Variants in ARK2C observed in about 807,000 individuals in gnomAD.
ARK2C encodes E3 ubiquitin-protein ligase ARK2C.
At chr18:46,456,369 C>G in the ARK2C span, 1 of 681,020 alleles carries the variant, frequency 1.5e-6, no homozygotes, top group Non-Finnish European at 2.6e-6. Context: ...TCTGAAAGCG[C>G]TTCCTGGCGG....
the ARK2C span, among the ~76,000 whole-genome samples, chr18:46,418,980 T>C: frequency 1.3e-5 from 2 of 152,176 alleles, no homozygotes; most frequent in Admixed American, 1.3e-4. Flanking sequence ...AAAGTAAAAG[T>C]GAGAGAGAGA....
the ARK2C span, among the ~76,000 whole-genome samples, chr18:46,354,521 T>C: frequency 6.6e-6 from 1 of 152,156 alleles, no homozygotes; most frequent in Non-Finnish European, 1.5e-5. Context: ...AGGCCGAACT[T>C]GAGAAACCTT....
At chr18:46,371,727 G>A in the ARK2C span, among the ~76,000 whole-genome samples, 97 of 152,302 alleles carry the variant, frequency 6.4e-4, no homozygotes, top group African/African-American at 1.7e-3. Flanking sequence ...CTTCAGGTGC[G>A]CTTTCTTCCC....
chr18:46,433,889 C>T, the ARK2C span, among the ~76,000 whole-genome samples: 1 of 152,204 alleles, frequency 6.6e-6, no homozygotes. Flanking sequence ...GGGAACTCCT[C>T]ATGTCCCCTC....
the ARK2C span, among the ~76,000 whole-genome samples, chr18:46,426,923 G>A: frequency 6.6e-6 from 1 of 152,196 alleles, no homozygotes; most frequent in Admixed American, 6.5e-5. Context: ...TATTTGGGAT[G>A]TCTGTTTTTC....
At chr18:46,349,446 C>T in the ARK2C span, among the ~76,000 whole-genome samples, 6 of 152,326 alleles carry the variant, frequency 3.9e-5, no homozygotes, top group African/African-American at 1.4e-4. Context: ...CTCGAAGACC[C>T]CATCTTTTAA....
the ARK2C span, chr18:46,336,796 G>GGGTGA: frequency 1.0e-6 from 1 of 985,350 alleles, no homozygotes; most frequent in Non-Finnish European, 1.2e-6. Flanking sequence ...TCAGTTATCT[G>GGGTGA]GGTGACTATC....
chr18:46,389,310 T>C, the ARK2C span, among the ~76,000 whole-genome samples: 1 of 152,244 alleles, frequency 6.6e-6, no homozygotes, highest in African/African-American at 2.4e-5. Context: ...AAAATTTACT[T>C]ATGTGCATCT....
chr18:46,404,958 A>G, the ARK2C span, among the ~76,000 whole-genome samples: 4 of 152,136 alleles, frequency 2.6e-5, no homozygotes, highest in South Asian at 2.1e-4. Context: ...TGCAGAAGAC[A>G]TATTCAGCTC....
chr18:46,362,713 C>G, the ARK2C span, among the ~76,000 whole-genome samples: 32 of 152,254 alleles, frequency 2.1e-4, no homozygotes, highest in Non-Finnish European at 3.8e-4. Flanking sequence ...CTGCGACAAC[C>G]ACATCAGGTT....
At chr18:46,418,574 A>C in the ARK2C span, among the ~76,000 whole-genome samples, 1 of 152,266 alleles carries the variant, frequency 6.6e-6, no homozygotes, top group African/African-American at 2.4e-5. Flanking sequence ...CATACAGGAC[A>C]GGACAGAACT....
At chr18:46,365,182 C>T in the ARK2C span, among the ~76,000 whole-genome samples, 1 of 152,218 alleles carries the variant, frequency 6.6e-6, no homozygotes, top group Non-Finnish European at 1.5e-5. Context: ...TGGAACTTAA[C>T]CTGGCTGAAG....
the ARK2C span, among the ~76,000 whole-genome samples, chr18:46,444,894 A>G: frequency 1.3e-5 from 2 of 152,158 alleles, no homozygotes; most frequent in Admixed American, 6.5e-5. Context: ...TTTCATCTCT[A>G]GAAGTTCCAT....
the ARK2C span, among the ~76,000 whole-genome samples, chr18:46,387,718 C>T: frequency 2.0e-5 from 3 of 152,248 alleles, no homozygotes; most frequent in East Asian, 1.9e-4. Context: ...GGAAGTCAAA[C>T]GCTGGGACGG....
the ARK2C span, among the ~76,000 whole-genome samples, chr18:46,351,108 G>A: frequency 2.0e-5 from 3 of 152,192 alleles, no homozygotes; most frequent in African/African-American, 4.8e-5. Flanking sequence ...TGCAGAGCCC[G>A]GGAGGGAGGC....
At chr18:46,457,718 C>T in the ARK2C span, 1 of 152,822 alleles carries the variant, frequency 6.5e-6, no homozygotes, top group East Asian at 1.9e-4. Context: ...CCACTGCCTC[C>T]CTATGCAAAA....
the ARK2C span, among the ~76,000 whole-genome samples, chr18:46,410,699 G>A: frequency 6.6e-6 from 1 of 152,148 alleles, no homozygotes; most frequent in African/African-American, 2.4e-5. Flanking sequence ...ACAAACAAGT[G>A]GAAATCTGTC....
the ARK2C span, among the ~76,000 whole-genome samples, chr18:46,405,617 G>A: frequency 6.6e-6 from 1 of 152,164 alleles, no homozygotes; most frequent in Non-Finnish European, 1.5e-5. Flanking sequence ...TGCTGACCTG[G>A]GCCCCTGGGG....
At chr18:46,426,809 G>A in the ARK2C span, among the ~76,000 whole-genome samples, 1 of 152,182 alleles carries the variant, frequency 6.6e-6, no homozygotes, top group African/African-American at 2.4e-5. Flanking sequence ...TTAGCCTGGG[G>A]AAATATGACA....
Sources: allele counts gnomAD v4.1 joint callset (sites outside exome capture counted in the v4.1 genomes callset), GRCh38; gene constraint gnomAD v4.1.1; transcripts MANE v1.5; gene names NCBI Gene and HGNC (gene_info 2026-07-23, HGNC 2026-07-21).